Variants in PRR16 observed in about 807,000 individuals in gnomAD.
PRR16 encodes the protein proline rich 16.
PRR16 carries 6 observed loss-of-function variants against 18.2 expected under a neutral mutation model. The observed-to-expected ratio is 0.33, with a 90% CI of 0.18 to 0.65. The LOEUF (loss-of-function observed/expected upper bound fraction) is 0.65. PRR16 is among the 30% of genes least tolerant of loss of function. The pLI, the probability that PRR16 is intolerant of heterozygous loss-of-function variation, is 0.74. For missense variants in PRR16, 412 were observed against 376.6 expected (o/e 1.09, Z -0.78); for synonymous variants, 151 against 147.8 (o/e 1.02, Z -0.16).
the PRR16 span, among the ~76,000 whole-genome samples, chr5:120,786,219 G>A: frequency 1.3e-5 from 2 of 150,960 alleles, no homozygotes; most frequent in East Asian, 1.9e-4. Flanking sequence ...TGTGAATAGA[G>A]GGATAGCAAA....
chr5:120,526,569 A>G (rs1332240060), intron 1 of PRR16, among the ~76,000 whole-genome samples: 1 of 152,148 alleles, frequency 6.6e-6, no homozygotes, highest in East Asian at 1.9e-4. Context: ...TGGGTACGGA[A>G]CATAATTGGT....
chr5:120,516,989 T>A (rs1456583494), intron 1 of PRR16, among the ~76,000 whole-genome samples: 1 of 152,164 alleles, frequency 6.6e-6, no homozygotes, highest in Non-Finnish European at 1.5e-5. Context: ...TTTCTATTGT[T>A]AGCAAATTCT....
intron 1 of PRR16, among the ~76,000 whole-genome samples, chr5:120,613,593 A>T (rs1459810184): frequency 6.6e-6 from 1 of 152,142 alleles, no homozygotes; most frequent in African/African-American, 2.4e-5. Context: ...GTTTACATAT[A>T]TGATCTATTA....
chr5:120,599,749 C>T (rs1376183466), intron 1 of PRR16, among the ~76,000 whole-genome samples: 1 of 151,778 alleles, frequency 6.6e-6, no homozygotes, highest in Non-Finnish European at 1.5e-5. Context: ...TTGCCTTGAC[C>T]TGGCCTCTAG....
At chr5:120,470,393 C>T (rs760726103) in intron 1 of PRR16, among the ~76,000 whole-genome samples, 1 of 151,878 alleles carries the variant, frequency 6.6e-6, no homozygotes, top group Non-Finnish European at 1.5e-5. Context: ...TCTTTAGTAC[C>T]ACATAAAAAT....
the PRR16 span, among the ~76,000 whole-genome samples, chr5:120,756,631 T>A: frequency 2.6e-5 from 4 of 152,140 alleles, no homozygotes; most frequent in African/African-American, 7.2e-5. Context: ...CCCATTTTTT[T>A]AAATGGGATT....
chr5:120,600,541 T>TC (rs1354223515), intron 1 of PRR16, among the ~76,000 whole-genome samples: 7 of 151,928 alleles, frequency 4.6e-5, no homozygotes, highest in African/African-American at 1.7e-4. Context: ...GTTCTTTTTT[T>TC]CCCAATGATT....
chr5:120,530,595 G>A (rs1751520055), intron 1 of PRR16, among the ~76,000 whole-genome samples: 1 of 152,052 alleles, frequency 6.6e-6, no homozygotes, highest in African/African-American at 2.4e-5. Context: ...TTAAGTGTGA[G>A]CGACTAGCAT....
intron 1 of PRR16, chr5:120,465,806 G>A (rs1468591381): frequency 1.3e-5 from 2 of 152,898 alleles, no homozygotes; most frequent in East Asian, 3.9e-4. Context: ...GCGTAGTCTA[G>A]GTCCAAAATT....
chr5:120,558,026 G>T (rs1298324524), intron 1 of PRR16, among the ~76,000 whole-genome samples: 1 of 151,718 alleles, frequency 6.6e-6, no homozygotes, highest in African/African-American at 2.4e-5. Context: ...GTACATAGTA[G>T]GTGTGTATAT....
chr5:120,732,830 A>G, the PRR16 span, among the ~76,000 whole-genome samples: 2 of 152,194 alleles, frequency 1.3e-5, no homozygotes, highest in Non-Finnish European at 2.9e-5. Flanking sequence ...AATTTTGTGT[A>G]TAAATGGAAG....
At position 120,629,482 on chromosome 5, in the gene PRR16, T is replaced by C. The variant is rs144520976; in HGVS notation, c.160-56472T>C. 2.8e-3 allele frequency among the ~76,000 whole-genome samples: 428 copies of C among 152,264 alleles called. 4 individuals carry two copies. Among genetic ancestry groups the C allele is most frequent in the African/African-American group, 9.8e-3 (406 of 41,582 alleles). On this transcript the variant is annotated intron_variant, in intron 1 of 1. Coordinates refer to ENST00000407149, the MANE Select transcript of PRR16 (RefSeq NM_001300783.2). ...TGCTATAAAGTATTTCTATTATGCC[T>C]CTTCAACATTGAAAGCATCTTAGAA...
the PRR16 span, among the ~76,000 whole-genome samples, chr5:120,710,165 G>A: frequency 7.2e-5 from 11 of 152,132 alleles, no homozygotes; most frequent in South Asian, 4.1e-4. Context: ...GATAAAAGCC[G>A]TTTTGACTTG....
chr5:120,763,352 T>C, the PRR16 span, among the ~76,000 whole-genome samples: 1 of 152,096 alleles, frequency 6.6e-6, no homozygotes, highest in Non-Finnish European at 1.5e-5. Flanking sequence ...TTCGCCATGT[T>C]GGCCAGGCTG....
the PRR16 span, among the ~76,000 whole-genome samples, chr5:120,783,444 T>TA: frequency 6.6e-6 from 1 of 152,152 alleles, no homozygotes; most frequent in Non-Finnish European, 1.5e-5. Flanking sequence ...ACGTACTAGA[T>TA]AGGTAGAATG....
intron 1 of PRR16, chr5:120,617,196 A>G (rs1754541081): frequency 1.0e-6 from 1 of 983,980 alleles, no homozygotes; most frequent in African/African-American, 1.7e-5. Context: ...CAAGAAGGTC[A>G]GCCCCACCTT....
chr5:120,606,963 G>A (rs1015697854), intron 1 of PRR16, among the ~76,000 whole-genome samples: 11 of 152,070 alleles, frequency 7.2e-5, no homozygotes, highest in African/African-American at 2.7e-4. Context: ...TGTATTATTG[G>A]CTATAGGCAT....
chr5:120,487,825 A>G (rs1749868530), intron 1 of PRR16, among the ~76,000 whole-genome samples: 1 of 152,186 alleles, frequency 6.6e-6, no homozygotes, highest in Non-Finnish European at 1.5e-5. Flanking sequence ...ACGTCCCAAC[A>G]GTACCGAATT....
At chr5:120,598,945 A>C (rs942560636) in intron 1 of PRR16, among the ~76,000 whole-genome samples, 1 of 151,722 alleles carries the variant, frequency 6.6e-6, no homozygotes, top group Admixed American at 6.6e-5. Context: ...AATTAATCTT[A>C]ATTTCTTTAT....
Sources: allele counts gnomAD v4.1 joint callset (sites outside exome capture counted in the v4.1 genomes callset), GRCh38; gene constraint gnomAD v4.1.1; transcripts MANE v1.5; gene names NCBI Gene and HGNC (gene_info 2026-07-23, HGNC 2026-07-21).